The following ZNF292 variants were observed in gnomAD, a reference collection of about 807,000 sequenced individuals.
ZNF292 encodes the protein zinc finger protein 292.
ZNF292 carries 26 observed loss-of-function variants against 217.9 expected under a neutral mutation model. That is an observed-to-expected ratio of 0.12 (90% confidence interval 0.09 to 0.17). The LOEUF is 0.17. Ranked by LOEUF, ZNF292 falls within the 10% of genes least tolerant of loss-of-function variation. The probability of loss-of-function intolerance (pLI) is 1.00; values close to 1 mark genes in which losing one functional copy is unlikely to be tolerated. For synonymous variants in ZNF292, 1,257 were observed against 1,124.1 expected (o/e 1.12, Z -2.37); for missense variants, 2,904 against 3,175.2 (o/e 0.91, Z 2.05).
At chr6:87,219,164 T>C (rs1041942638) in intron 4 of ZNF292, among the ~76,000 whole-genome samples, 3 of 152,218 alleles carry the variant, frequency 2.0e-5, no homozygotes, top group East Asian at 1.9e-4. Context: ...CTCAGTCTTA[T>C]TGTATCCCCT....
In ZNF292 at chr6:87,259,763, T is replaced by C. The variant is rs1279283396; in HGVS notation, c.6134T>C (p.Val2045Ala). Residue 2045 changes from valine to alanine, a missense_variant, in exon 8 of 8, where the codon GTA becomes GCA. Physicochemically the swap from Val to Ala is moderately conservative, Grantham distance 64 (BLOSUM62 0). Around this residue, in one of 15 missense-constraint regions of ZNF292, gnomAD observed 261 missense variants for 272.8 expected, o/e 0.96. Transcript: ENST00000369577. Reference sequence around the variant, plus strand: ...GCAGTGATCCCAGAAAAACAACTTGTAGAAAAAAAAAGTCCTGACAAAACA... The same window carrying C: ...GCAGTGATCCCAGAAAAACAACTTGCAGAAAAAAAAAGTCCTGACAAAACA... ...NVAVIPEKQL[V>A]EKKSPDKTES... 6.9e-6 allele frequency: 11 copies of C among 1,601,192 alleles called. No homozygotes were observed. The highest frequency in any genetic ancestry group is 4.5e-5 in the East Asian group (2 of 44,540).
chr6:87,222,051 T>A lies in ZNF292; in HGVS notation c.538+3320T>A, dbSNP rs148757101. 3.6e-3 allele frequency among the ~76,000 whole-genome samples: 552 copies of A among 152,278 alleles called. 2 individuals are homozygous for A. The highest frequency in any genetic ancestry group is 0.013 in the African/African-American group (531 of 41,572). On this transcript the variant is annotated intron_variant, in intron 4 of 7. Coordinates refer to ENST00000369577, the MANE Select transcript of ZNF292 (RefSeq NM_015021.3). ...TACGTTTGTATACTTTTTCTTTTGG[T>A]GTACAAGTGTATTACCTTTTTCTTC...
intron 1 of ZNF292, 94 bp downstream of exon 1, chr6:87,155,853 C>G: frequency 7.1e-7 from 1 of 1,410,442 alleles, no homozygotes; most frequent in East Asian, 2.6e-5. Context: ...TCGCCGCTTC[C>G]TTGGCATCAT....
intron 1 of ZNF292, among the ~76,000 whole-genome samples, chr6:87,183,856 C>G (rs1771548276): frequency 6.6e-6 from 1 of 152,144 alleles, no homozygotes; most frequent in Admixed American, 6.5e-5. Context: ...GTAGTCATCT[C>G]AAATACCATG....
At chr6:87,212,088 A>T (rs1772512759) in intron 1 of ZNF292, among the ~76,000 whole-genome samples, 1 of 152,192 alleles carries the variant, frequency 6.6e-6, no homozygotes, top group South Asian at 2.1e-4. Context: ...CCTCAGGGTC[A>T]GTAATTTGCT....
In ZNF292 at chr6:87,261,055, A is replaced by C; in HGVS notation, c.7426A>C (p.Asn2476His). 6.2e-7 allele frequency: 1 copy of C among 1,604,814 alleles called. No homozygotes were observed. The highest frequency in any genetic ancestry group is 8.5e-7 in the Non-Finnish European group (1 of 1,175,218). Residue 2476 changes from asparagine (N) to histidine (H), a missense_variant, in exon 8 of 8, where the codon AAT becomes CAT. By Grantham distance (68) the Asn-to-His change is moderately conservative. This residue lies in a region of ZNF292 where 380 missense variants were observed against 355.3 expected (regional missense o/e 1.07). Coordinates refer to ENST00000369577, the MANE Select transcript of ZNF292 (RefSeq NM_015021.3). ...ATVSQKEVEK[N>H]EKDEMDELTE... ...AGTTTCACAAAAGGAAGTTGAAAAA[A>C]ATGAAAAAGATGAAATGGATGAACT...
intron 1 of ZNF292, among the ~76,000 whole-genome samples, chr6:87,172,916 T>G (rs552259808): frequency 6.9e-6 from 1 of 145,126 alleles, no homozygotes. Flanking sequence ...AAAAAAAAAA[T>G]TTTTTTTTAA....
At chr6:87,195,142 C>T (rs1771917941) in intron 1 of ZNF292, among the ~76,000 whole-genome samples, 1 of 152,110 alleles carries the variant, frequency 6.6e-6, no homozygotes, top group Non-Finnish European at 1.5e-5. Flanking sequence ...CCTGTTAGTA[C>T]TATTTTTATT....
chr6:87,174,339 T>G (rs961641309), intron 1 of ZNF292: 3 of 152,208 alleles, frequency 2.0e-5, no homozygotes, highest in African/African-American at 7.2e-5. Context: ...GTTCAGTTTC[T>G]TGTCATCTAG....
chr6:87,258,081 A>G lies in ZNF292; in HGVS notation c.4452A>G (p.Gln1484=), dbSNP rs889987929. 1.1e-5 allele frequency: 18 copies of G among 1,613,536 alleles called. No individual in the cohort carries two copies. The African/African-American group carries it at 1.5e-4, about 13-fold the overall frequency. ...CTAACTTTAATACCAGTGTCAGTCA[A>G]GAAGGTAGTGAAATTATTAAACAGG... ...GVTNFNTSVS[Q]EGSEIIKQAL... The change falls in exon 8 of 8, where the codon CAA becomes CAG. Residue 1484 remains glutamine, a synonymous_variant. Transcript: ENST00000369577.
rs775549353 is a variant in ZNF292 at position 87,260,814 on chromosome 6, A to G, written c.7185A>G (p.Ser2395=). 56 of 1,612,690 alleles carry G rather than the reference A, an allele frequency of 3.5e-5. No homozygotes were observed. In the Middle Eastern group the frequency reaches 2.3e-3, roughly 66 times the overall value. ...CATGTATGATAAAGGGATGTACTTC[A>G]GTTGTTACAAGTGAAAGCAATATAA... is the stretch of plus-strand genomic sequence containing the variant. ...QYPCMIKGCT[S]VVTSESNIIR... Residue 2395 remains serine (S), a synonymous_variant, in exon 8 of 8, where the codon TCA becomes TCG. Coordinates refer to ENST00000369577, the MANE Select transcript of ZNF292 (RefSeq NM_015021.3).
chr6:87,159,586 T>C (rs1389361078), intron 1 of ZNF292, among the ~76,000 whole-genome samples: 1 of 146,678 alleles, frequency 6.8e-6, no homozygotes, highest in Non-Finnish European at 1.5e-5. Flanking sequence ...CACCACAACC[T>C]CCGCCTCTTG....
intron 1 of ZNF292, among the ~76,000 whole-genome samples, chr6:87,161,406 C>T (rs1770750440): frequency 6.6e-6 from 1 of 152,156 alleles, no homozygotes; most frequent in South Asian, 2.1e-4. Flanking sequence ...AGTGTATTAA[C>T]TAACAAATTG....
Position 87,262,038 on chromosome 6 carries a change from C to T in ZNF292, c.*237C>T. 1 of 292,268 alleles carries T rather than the reference C, an allele frequency of 3.4e-6. No individual in the cohort carries two copies. Among genetic ancestry groups the T allele is most frequent in the Non-Finnish European group, 6.3e-6 (1 of 157,838 alleles). The allele number at this position is 292,268 out of a possible 1,614,324, so 18.1% of individuals were successfully genotyped here. A position where few individuals can be genotyped will look rare whatever the true frequency, so the allele number is the denominator to read the frequency against. ...TTATTGTAAATAGTGAGCTAAACCT[C>T]AAATTTCTATCACCCAGTTGCCCTT... On this transcript the variant is annotated 3_prime_UTR_variant, in exon 8 of 8. Coordinates refer to ENST00000369577, the MANE Select transcript of ZNF292 (RefSeq NM_015021.3).
At chr6:87,195,312 G>T (rs1250020476) in intron 1 of ZNF292, among the ~76,000 whole-genome samples, 6 of 152,186 alleles carry the variant, frequency 3.9e-5, no homozygotes, top group African/African-American at 1.4e-4. Context: ...AGAACAAGTA[G>T]AGAGTGAAAA....
intron 1 of ZNF292, among the ~76,000 whole-genome samples, chr6:87,169,501 T>C (rs1465922828): frequency 6.6e-6 from 1 of 152,202 alleles, no homozygotes; most frequent in Non-Finnish European, 1.5e-5. Flanking sequence ...AGCTATTTCA[T>C]ATAAATAATT....
intron 4 of ZNF292, among the ~76,000 whole-genome samples, chr6:87,224,828 CAT>C (rs1312089276): frequency 6.6e-6 from 1 of 152,088 alleles, no homozygotes; most frequent in Non-Finnish European, 1.5e-5. Flanking sequence ...CCGTTATAAA[CAT>C]GTGCATGCAG....
At chr6:87,200,744 C>T (rs776585159) in intron 1 of ZNF292, among the ~76,000 whole-genome samples, 2 of 152,138 alleles carry the variant, frequency 1.3e-5, no homozygotes, top group Admixed American at 6.6e-5. Context: ...TTAGAATTCT[C>T]AGAAAGTCTG....
intron 1 of ZNF292, among the ~76,000 whole-genome samples, chr6:87,191,961 A>G (rs1201694099): frequency 1.3e-5 from 2 of 152,068 alleles, no homozygotes; most frequent in Non-Finnish European, 2.9e-5. Flanking sequence ...CATGCCTGGC[A>G]CTTTTAATCT....
Sources: allele counts gnomAD v4.1 joint callset (sites outside exome capture counted in the v4.1 genomes callset), GRCh38; gene constraint gnomAD v4.1.1; regional missense constraint gnomAD v4.1.1; transcripts MANE v1.5; gene names NCBI Gene and HGNC (gene_info 2026-07-23, HGNC 2026-07-21).